Variants in VPS35L observed in about 807,000 individuals in gnomAD.
VPS35L encodes VPS35 endosomal protein-sorting factor-like.
In VPS35L, 83 loss-of-function variants were observed where a neutral mutation model predicts 133.0. The observed-to-expected ratio is 0.62, with a 90% CI of 0.52 to 0.75. The LOEUF (loss-of-function observed/expected upper bound fraction) is 0.75. Among genes scored for constraint, VPS35L ranks in the 30% least tolerant of loss-of-function variants. The probability of loss-of-function intolerance (pLI) is 0.00; values close to 1 mark genes in which losing one functional copy is unlikely to be tolerated. For missense variants in VPS35L, 1,083 were observed against 1,206.8 expected, an observed-to-expected ratio of 0.90 and a Z score of 1.52; for synonymous variants, 423 against 449.9, an observed-to-expected ratio of 0.94 and a Z score of 0.76.
At chr16:19,654,217 A>G (rs540700693) in intron 26 of VPS35L, among the ~76,000 whole-genome samples, 1 of 152,270 alleles carries the variant, frequency 6.6e-6, no homozygotes, top group East Asian at 1.9e-4. Flanking sequence ...TAGCTAGAGT[A>G]GCCGCCCTGC....
At chr16:19,671,512 C>T (rs1974872694) in intron 27 of VPS35L, among the ~76,000 whole-genome samples, 2 of 144,844 alleles carry the variant, frequency 1.4e-5, no homozygotes, top group South Asian at 4.4e-4. Flanking sequence ...CATGATGGCT[C>T]ACTCCAGTAA....
chr16:19,610,426 C>G lies in VPS35L; in HGVS notation c.1023+11C>G. 6.2e-7 allele frequency: 1 copy of G among 1,608,732 alleles called. No homozygotes were observed. The highest frequency in any genetic ancestry group is 8.5e-7 in the Non-Finnish European group (1 of 1,176,102). ...GCCTACCTGTGCCGGGTAGGCCATG[C>G]GAGTCACTGCCCTTGACGGCACGGC... On this transcript the variant is annotated intron_variant, in intron 12 of 30. Coordinates refer to ENST00000417362, the MANE Select transcript of VPS35L (RefSeq NM_020314.7).
At chr16:19,651,948 A>G in intron 25 of VPS35L, 28 bp from the exon 26 acceptor site, 1 of 1,483,456 alleles carries the variant, frequency 6.7e-7, no homozygotes, top group Non-Finnish European at 9.4e-7. Flanking sequence ...TTGCACTGCT[A>G]GCGTTAATGT....
rs1396622123 is a variant in VPS35L at position 19,617,656 on chromosome 16, C to T, written c.1224+848C>T. ...GCAGACACATATTTTCTTTCTTTTCCAAGACTGAGAAGCAGTTTTAGTAGA... is the reference window on the plus strand; with the variant it reads ...GCAGACACATATTTTCTTTCTTTTCTAAGACTGAGAAGCAGTTTTAGTAGA... On this transcript the variant is annotated intron_variant, in intron 14 of 30. Transcript: ENST00000417362. 2.0e-5 allele frequency: 3 copies of T among 151,544 alleles called. No individual in the cohort carries two copies. The East Asian group carries it at 5.8e-4, about 29-fold the overall frequency. 9.4% of individuals were successfully genotyped at this position (151,544 alleles called of 1,614,324 possible).
chr16:19,627,809 GGCT>G lies in VPS35L; in HGVS notation c.1383+5_1383+7del. On this transcript the variant is annotated splice_donor_5th_base_variant and intron_variant, in intron 16 of 30. Coordinates refer to ENST00000417362, the MANE Select transcript of VPS35L (RefSeq NM_020314.7). ...TGATGAATCTGGTTTCCCCAAGGTA[GGCT>G]CTTGACTTCATGCTCAGTAGGACAC... The G allele has an allele frequency of 6.3e-7, 1 of 1,588,940 alleles. No homozygotes were observed. Among genetic ancestry groups the G allele is most frequent in the Non-Finnish European group, 8.6e-7 (1 of 1,157,108 alleles).
chr16:19,674,184 C>CTTTTTTTTTTTTTTTTTTTTTT (rs201038834), intron 27 of VPS35L, among the ~76,000 whole-genome samples: 2 of 70,906 alleles, frequency 2.8e-5, no homozygotes, highest in African/African-American at 6.3e-5. Context: ...TTTTCTTTTT[C>CTTTTTTTTTTTTTTTTTTTTTT]TTTTTTTTTT....
At chr16:19,680,500 C>T (rs1975234038) in intron 27 of VPS35L, among the ~76,000 whole-genome samples, 1 of 152,130 alleles carries the variant, frequency 6.6e-6, no homozygotes, top group Non-Finnish European at 1.5e-5. Context: ...TGCCTGTCCT[C>T]CTGGAGGTTA....
At chr16:19,648,728 C>T (rs1974030417) in intron 24 of VPS35L, among the ~76,000 whole-genome samples, 2 of 151,718 alleles carry the variant, frequency 1.3e-5, no homozygotes, top group African/African-American at 2.4e-5. Flanking sequence ...GTTAGTCAGG[C>T]GGGGTGGCAG....
At chr16:19,671,786 A>G (rs1974884834) in intron 27 of VPS35L, among the ~76,000 whole-genome samples, 1 of 152,200 alleles carries the variant, frequency 6.6e-6, no homozygotes, top group South Asian at 2.1e-4. Flanking sequence ...CAAAAAAAAT[A>G]AAAATAGTAT....
At chr16:19,591,203 T>TA (rs1972032565) in intron 7 of VPS35L, among the ~76,000 whole-genome samples, 1 of 152,152 alleles carries the variant, frequency 6.6e-6, no homozygotes, top group Admixed American at 6.6e-5. Context: ...TGGGGTCATT[T>TA]CTTAGAAAAG....
chr16:19,630,287 T>G (rs142158329), intron 18 of VPS35L, among the ~76,000 whole-genome samples: 1 of 151,922 alleles, frequency 6.6e-6, no homozygotes, highest in Non-Finnish European at 1.5e-5. Flanking sequence ...TTCAAAACCC[T>G]TGCCAGAGTA....
intron 18 of VPS35L, among the ~76,000 whole-genome samples, chr16:19,630,828 A>G (rs1973431655): frequency 6.6e-6 from 1 of 151,850 alleles, no homozygotes; most frequent in Admixed American, 6.6e-5. Flanking sequence ...AACGTGGTAA[A>G]ACCCCGTCTC....
chr16:19,644,391 C>T (rs1031058493), intron 22 of VPS35L, among the ~76,000 whole-genome samples: 5 of 152,096 alleles, frequency 3.3e-5, no homozygotes, highest in Non-Finnish European at 7.4e-5. Context: ...CTTTGCTGTA[C>T]ATTGGAAATA....
At chr16:19,647,729 G>C (rs1774779187) in intron 23 of VPS35L, 55 bp from the exon 24 acceptor site, 3 of 1,368,544 alleles carry the variant, frequency 2.2e-6, no homozygotes, top group Non-Finnish European at 3.1e-6. Flanking sequence ...CCATGTGCCT[G>C]CGTTCTCTCT....
intron 29 of VPS35L, among the ~76,000 whole-genome samples, chr16:19,692,221 A>G (rs978370273): frequency 6.6e-6 from 1 of 152,046 alleles, no homozygotes; most frequent in Non-Finnish European, 1.5e-5. Flanking sequence ...GAATGACAAG[A>G]CAGGGACTCT....
At chr16:19,648,907 G>T (rs1381163301) in intron 24 of VPS35L, among the ~76,000 whole-genome samples, 1 of 148,540 alleles carries the variant, frequency 6.7e-6, no homozygotes, top group Non-Finnish European at 1.5e-5. Context: ...GTTAGGTTCA[G>T]ACAACTTAAG....
At position 19,601,692 on chromosome 16, in the gene VPS35L, CAT is replaced by C. The variant is rs1270686257; in HGVS notation, c.754_755del (p.Met252ValfsTer4). The C allele has an allele frequency of 1.2e-6, 2 of 1,614,028 alleles. No individual in the cohort carries two copies. Among genetic ancestry groups the C allele is most frequent in the African/African-American group, 1.3e-5 (1 of 74,918 alleles). Reference sequence around the variant, plus strand: ...AGCTCGTGTACGAGCGCATCTTTTCCATGTGTGTGGATAGCCGCAGCGTCTTA... The same window carrying C: ...AGCTCGTGTACGAGCGCATCTTTTCCGTGTGTGGATAGCCGCAGCGTCTTA... ...GKLVYERIFSMCVDSRSVLPD... is the reference protein window; with the variant it reads ...GKLVYERIFSXCVDSRSVLPD... On this transcript the variant is annotated frameshift_variant, in exon 9 of 31. Transcript: ENST00000417362. LOFTEE classifies it high-confidence loss of function.
intron 27 of VPS35L, among the ~76,000 whole-genome samples, chr16:19,677,602 T>G (rs1597425895): frequency 6.6e-6 from 1 of 152,152 alleles, no homozygotes; most frequent in Non-Finnish European, 1.5e-5. Context: ...GGCACTGTGC[T>G]CCAGAGGGAC....
chr16:19,654,990 T>TCC (rs1412375628), intron 26 of VPS35L, among the ~76,000 whole-genome samples: 1 of 152,202 alleles, frequency 6.6e-6, no homozygotes, highest in Non-Finnish European at 1.5e-5. Context: ...GATAAAGGTA[T>TCC]CCCCCTTATC....
Sources: allele counts gnomAD v4.1 joint callset (sites outside exome capture counted in the v4.1 genomes callset), GRCh38; gene constraint gnomAD v4.1.1; transcripts MANE v1.5; gene names NCBI Gene and HGNC (gene_info 2026-07-23, HGNC 2026-07-21).